The following LINGO2 variants were observed in gnomAD, a reference collection of about 807,000 sequenced individuals.
LINGO2 encodes leucine-rich repeat and immunoglobulin-like domain-containing nogo receptor-interacting protein 2.
Under a neutral mutation model 30.6 loss-of-function variants are expected in LINGO2, and 14 were observed. The observed-to-expected ratio is 0.46, with a 90% confidence interval of 0.30 to 0.72. The LOEUF (loss-of-function observed/expected upper bound fraction) is 0.72. Ranked by LOEUF, LINGO2 falls within the 30% of genes least tolerant of loss-of-function variation. The pLI is 0.07. For missense variants in LINGO2, 729 were observed against 751.7 expected (o/e 0.97, Z 0.35); for synonymous variants, 317 against 288.5 (o/e 1.10, Z -1.00).
At chr9:28,769,377 A>G in the LINGO2 span, among the ~76,000 whole-genome samples, 1 of 144,422 alleles carries the variant, frequency 6.9e-6, no homozygotes, top group Non-Finnish European at 1.5e-5. Flanking sequence ...TTATGTTGTT[A>G]CTCATTGTTT....
At chr9:29,089,510 T>C in the LINGO2 span, among the ~76,000 whole-genome samples, 1 of 152,194 alleles carries the variant, frequency 6.6e-6, no homozygotes, top group East Asian at 1.9e-4. Context: ...TACTCTAATA[T>C]GATAGGACAT....
chr9:28,812,803 T>C, the LINGO2 span, among the ~76,000 whole-genome samples: 1 of 152,260 alleles, frequency 6.6e-6, no homozygotes, highest in Non-Finnish European at 1.5e-5. Context: ...CCAACTCTGT[T>C]ACATTTGGAG....
intron 2 of LINGO2, among the ~76,000 whole-genome samples, chr9:28,407,417 T>C (rs997779781): frequency 1.3e-5 from 2 of 152,136 alleles, no homozygotes; most frequent in Non-Finnish European, 2.9e-5. Flanking sequence ...TTATTATTGC[T>C]CCTTAATGAA....
chr9:28,341,470 T>G (rs1312110476), intron 3 of LINGO2, among the ~76,000 whole-genome samples: 2 of 152,076 alleles, frequency 1.3e-5, no homozygotes, highest in Non-Finnish European at 1.5e-5. Context: ...AGACAAAACA[T>G]TAGCCAAGAA....
chr9:28,654,897 C>T (rs898055430), intron 1 of LINGO2, among the ~76,000 whole-genome samples: 3 of 152,114 alleles, frequency 2.0e-5, no homozygotes, highest in Non-Finnish European at 4.4e-5. Context: ...ACTCAATTAT[C>T]ATGAGTCATG....
At chr9:28,730,656 G>A in the LINGO2 span, among the ~76,000 whole-genome samples, 1 of 152,152 alleles carries the variant, frequency 6.6e-6, no homozygotes, top group Non-Finnish European at 1.5e-5. Flanking sequence ...CAGACATAGA[G>A]GTTCACTATG....
intron 3 of LINGO2, among the ~76,000 whole-genome samples, chr9:28,325,245 C>T (rs7861344): frequency 0.98 from 149,656 of 152,178 alleles, 73,638 homozygotes; most frequent in Middle Eastern, 1. Context: ...ATAATTTATC[C>T]TCCCCTTTAA....
the LINGO2 span, among the ~76,000 whole-genome samples, chr9:29,032,014 T>C: frequency 1.4e-4 from 22 of 152,268 alleles, no homozygotes; most frequent in African/African-American, 5.1e-4. Flanking sequence ...ACAAAGTTTG[T>C]AATACAAAAT....
intron 2 of LINGO2, among the ~76,000 whole-genome samples, chr9:28,433,947 CTCTA>C (rs60058730): frequency 0.2 from 12,219 of 60,868 alleles, 695 homozygotes; most frequent in Admixed American, 0.28. Flanking sequence ...CTCTCTCTCT[CTCTA>C]TATATATATA....
chr9:28,014,534 A>G (rs539784560), intron 4 of LINGO2, among the ~76,000 whole-genome samples: 1 of 152,164 alleles, frequency 6.6e-6, no homozygotes, highest in African/African-American at 2.4e-5. Flanking sequence ...CAACTGATAC[A>G]CTAGATAAAT....
At chr9:28,494,062 CTTGA>C (rs981237362) in intron 1 of LINGO2, among the ~76,000 whole-genome samples, 1 of 151,942 alleles carries the variant, frequency 6.6e-6, no homozygotes, top group African/African-American at 2.4e-5. Flanking sequence ...TCTAGAGAAC[CTTGA>C]TTAATACACC....
At chr9:28,111,574 T>C (rs946081932) in intron 4 of LINGO2, among the ~76,000 whole-genome samples, 2 of 152,108 alleles carry the variant, frequency 1.3e-5, no homozygotes, top group African/African-American at 4.8e-5. Flanking sequence ...TGAATGTGGC[T>C]AGTTCAGAGT....
chr9:28,492,871 G>A (rs1433582145), intron 1 of LINGO2, among the ~76,000 whole-genome samples: 4 of 152,102 alleles, frequency 2.6e-5, no homozygotes, highest in Non-Finnish European at 4.4e-5. Flanking sequence ...TGAGGGGAGC[G>A]GGCGGGTGGA....
the LINGO2 span, among the ~76,000 whole-genome samples, chr9:28,837,824 G>A: frequency 2.7e-5 from 4 of 150,602 alleles, no homozygotes; most frequent in Non-Finnish European, 4.4e-5. Flanking sequence ...AGAAGGATAA[G>A]TTAGAAAAAC....
At chr9:28,903,546 G>A in the LINGO2 span, among the ~76,000 whole-genome samples, 3 of 152,120 alleles carry the variant, frequency 2.0e-5, no homozygotes, top group African/African-American at 7.2e-5. Flanking sequence ...TGCAATCAAA[G>A]CTCACTGTAG....
chr9:28,056,941 T>C (rs991966041), intron 4 of LINGO2, among the ~76,000 whole-genome samples: 5 of 152,198 alleles, frequency 3.3e-5, no homozygotes, highest in African/African-American at 2.4e-5. Context: ...TGATATTATA[T>C]TGGATTTTAA....
chr9:28,192,493 C>A (rs1282930511), intron 4 of LINGO2, among the ~76,000 whole-genome samples: 3 of 152,060 alleles, frequency 2.0e-5, no homozygotes, highest in South Asian at 2.1e-4. Flanking sequence ...GATTGCAATT[C>A]TTTCCTATTC....
chr9:28,548,472 G>A (rs1422506013), intron 1 of LINGO2, among the ~76,000 whole-genome samples: 2 of 151,942 alleles, frequency 1.3e-5, no homozygotes, highest in African/African-American at 2.4e-5. Context: ...TTGGGAGGCC[G>A]AGACGGGTGG....
At chr9:28,838,459 TA>T in the LINGO2 span, among the ~76,000 whole-genome samples, 2 of 152,196 alleles carry the variant, frequency 1.3e-5, no homozygotes, top group East Asian at 3.8e-4. Context: ...TAGACATTAC[TA>T]ATAAAAACTT....
Sources: allele counts gnomAD v4.1 joint callset (sites outside exome capture counted in the v4.1 genomes callset), GRCh38; gene constraint gnomAD v4.1.1; transcripts MANE v1.5; gene names NCBI Gene and HGNC (gene_info 2026-07-23, HGNC 2026-07-21).